The following RGS21 variants were observed in gnomAD, a reference collection of about 807,000 sequenced individuals.
RGS21 encodes the protein regulator of G-protein signalling 21.
In RGS21, 19 loss-of-function variants were observed where a neutral mutation model predicts 18.7. The observed-to-expected ratio is 1.01, with a 90% confidence interval of 0.71 to 1.49. The LOEUF is 1.49. Ranked by LOEUF, RGS21 falls within the 40% of genes most tolerant of loss-of-function variation. The pLI is 0.00. For synonymous variants in RGS21, 56 were observed against 57.8 expected (o/e 0.97, Z 0.14); for missense variants, 194 against 176.8 (o/e 1.10, Z -0.55).
At chr1:192,346,389 G>GT (rs1233736831) in intron 2 of RGS21, among the ~76,000 whole-genome samples, 19 of 152,028 alleles carry the variant, frequency 1.2e-4, no homozygotes, top group Non-Finnish European at 2.8e-4. Context: ...CGATATATGA[G>GT]TTTTTCTCTA....
chr1:192,358,955 A>C (rs1659146819), intron 4 of RGS21, among the ~76,000 whole-genome samples: 1 of 152,070 alleles, frequency 6.6e-6, no homozygotes, highest in South Asian at 2.1e-4. Context: ...TAAAGCAGTC[A>C]TTTTAATGCA....
intron 1 of RGS21, among the ~76,000 whole-genome samples, chr1:192,323,177 A>G (rs529509430): frequency 6.6e-6 from 1 of 152,164 alleles, no homozygotes; most frequent in Non-Finnish European, 1.5e-5. Context: ...GAAGTTTGAG[A>G]TGAAGAAAGT....
chr1:192,359,788 A>G (rs1659163161), intron 4 of RGS21, among the ~76,000 whole-genome samples: 1 of 149,926 alleles, frequency 6.7e-6, no homozygotes, highest in South Asian at 2.1e-4. Context: ...CTCTCTATAT[A>G]TATATATACA....
chr1:192,335,232 A>G, intron 1 of RGS21, among the ~76,000 whole-genome samples: 1 of 152,140 alleles, frequency 6.6e-6, no homozygotes, highest in Non-Finnish European at 1.5e-5. Flanking sequence ...TCCTTTCTCC[A>G]CCACTTAAAC....
intron 1 of RGS21, among the ~76,000 whole-genome samples, chr1:192,324,075 G>A (rs1048376989): frequency 2.6e-5 from 4 of 151,902 alleles, no homozygotes; most frequent in Middle Eastern, 3.4e-3. Context: ...CATATAGAAA[G>A]AAATAATACA....
At chr1:192,355,711 T>C (rs1029330549) in intron 4 of RGS21, among the ~76,000 whole-genome samples, 2 of 151,530 alleles carry the variant, frequency 1.3e-5, no homozygotes, top group Admixed American at 1.3e-4. Context: ...GGATTGCTAA[T>C]TTCAGATTAT....
intron 1 of RGS21, among the ~76,000 whole-genome samples, chr1:192,334,220 C>T (rs1207860462): frequency 1.3e-5 from 2 of 152,022 alleles, no homozygotes; most frequent in East Asian, 3.8e-4. Flanking sequence ...AATTCCCCAT[C>T]CAGCAGTTAT....
chr1:192,342,198 G>A (rs1422873409), intron 1 of RGS21, among the ~76,000 whole-genome samples: 1 of 151,884 alleles, frequency 6.6e-6, no homozygotes, highest in Non-Finnish European at 1.5e-5. Context: ...TGACATTGAG[G>A]GTCATAAACA....
intron 1 of RGS21, among the ~76,000 whole-genome samples, chr1:192,339,384 T>G (rs1658818542): frequency 1.3e-5 from 2 of 152,138 alleles, no homozygotes; most frequent in Non-Finnish European, 2.9e-5. Flanking sequence ...TAGTGGGGTC[T>G]CATGTAGATT....
chr1:192,367,100 AC>A lies in RGS21; in HGVS notation c.*977del, dbSNP rs1245114698. The stretch of plus-strand genomic sequence containing the variant: ...GCTGTAAAGATTCAACAGATCTCCC[AC>A]GTTTCCATTTTCTTTGCACAGATTT... On this transcript the variant is annotated 3_prime_UTR_variant, in exon 5 of 5. Transcript: ENST00000417209. The A allele has an allele frequency of 6.6e-6, 1 of 152,060 alleles. No homozygotes were observed. Among genetic ancestry groups the A allele is most frequent in the East Asian group, 1.9e-4 (1 of 5,180 alleles). 9.4% of individuals were successfully genotyped at this position (152,060 alleles called of 1,614,324 possible).
intron 4 of RGS21, among the ~76,000 whole-genome samples, chr1:192,353,511 A>T (rs10921134): frequency 0.32 from 48,744 of 151,542 alleles, 9,222 homozygotes; most frequent in African/African-American, 0.52. Context: ...ATCCTACTTA[A>T]TGTTATATTG....
At chr1:192,342,285 C>T (rs959754885) in intron 1 of RGS21, among the ~76,000 whole-genome samples, 4 of 151,978 alleles carry the variant, frequency 2.6e-5, no homozygotes, top group African/African-American at 9.7e-5. Flanking sequence ...AGTTATAAAA[C>T]TTTAACTATA....
intron 2 of RGS21, among the ~76,000 whole-genome samples, chr1:192,343,854 GA>G (rs1056114575): frequency 2.0e-5 from 3 of 151,688 alleles, no homozygotes; most frequent in Non-Finnish European, 4.4e-5. Flanking sequence ...ATAAAAGGAA[GA>G]AAAAAAGAAA....
intron 4 of RGS21, among the ~76,000 whole-genome samples, chr1:192,363,508 C>T (rs1026130612): frequency 6.6e-6 from 1 of 152,124 alleles, no homozygotes; most frequent in Non-Finnish European, 1.5e-5. Flanking sequence ...GTTTATGAAA[C>T]AGACTATAGT....
chr1:192,357,514 C>T (rs1659128031), intron 4 of RGS21, among the ~76,000 whole-genome samples: 4 of 151,816 alleles, frequency 2.6e-5, no homozygotes, highest in African/African-American at 7.2e-5. Context: ...ATTTGGTCAT[C>T]ACGTTCACTC....
intron 4 of RGS21, 69 bp from the exon 5 acceptor site, chr1:192,365,852 A>G (rs1042947845): frequency 1.1e-5 from 9 of 824,402 alleles, no homozygotes; most frequent in African/African-American, 1.8e-5. Context: ...ATTTTAAATA[A>G]TATATATGTA....
At chr1:192,319,215 G>A (rs1328626787) in intron 1 of RGS21, among the ~76,000 whole-genome samples, 5 of 152,038 alleles carry the variant, frequency 3.3e-5, no homozygotes, top group East Asian at 1.9e-4. Flanking sequence ...GCACCACTGC[G>A]CTACAGACTG....
intron 1 of RGS21, among the ~76,000 whole-genome samples, chr1:192,335,769 T>C (rs781321324): frequency 5.3e-5 from 8 of 152,044 alleles, no homozygotes; most frequent in Non-Finnish European, 8.8e-5. Context: ...AGACAAAAAC[T>C]GGGTAGAGAA....
At chr1:192,326,532 T>C (rs1349053165) in intron 1 of RGS21, among the ~76,000 whole-genome samples, 1 of 152,128 alleles carries the variant, frequency 6.6e-6, no homozygotes, top group African/African-American at 2.4e-5. Flanking sequence ...ACTCATTATG[T>C]TTGTCATATT....
Sources: gnomAD v4.1 joint callset for allele counts (sites outside exome capture counted in the v4.1 genomes callset) on GRCh38, gnomAD v4.1.1 for gene constraint, MANE v1.5 for transcripts, NCBI Gene and HGNC (gene_info 2026-07-23, HGNC 2026-07-21) for gene names.